CSMD1: variants seen among roughly 807,000 people sequenced by gnomAD.
The protein encoded by CSMD1 is CUB and sushi domain-containing protein 1.
In CSMD1, 213 loss-of-function variants were observed where a neutral mutation model predicts 417.5. That is an observed-to-expected ratio of 0.51 (90% CI 0.46 to 0.57). The LOEUF (loss-of-function observed/expected upper bound fraction) is 0.57, where lower values mean the gene tolerates loss of function less well. Among genes scored for constraint, CSMD1 ranks in the 20% least tolerant of loss-of-function variants. The pLI is 0.00. For synonymous variants in CSMD1, 2,862 were observed against 1,736.8 expected (o/e 1.65, Z -16.11); for missense variants, 6,923 against 4,529.7 (o/e 1.53, Z -15.17).
chr8:3,548,550 G>C (rs749592599), intron 10 of CSMD1, among the ~76,000 whole-genome samples: 3 of 151,554 alleles, frequency 2.0e-5, no homozygotes, highest in East Asian at 3.9e-4. Flanking sequence ...ACGATGTTTG[G>C]TTTTCCATTC....
intron 41 of CSMD1, among the ~76,000 whole-genome samples, chr8:3,132,313 C>G (rs1817833254): frequency 6.6e-6 from 1 of 151,600 alleles, no homozygotes; most frequent in Non-Finnish European, 1.5e-5. Context: ...GCTCTTGGCA[C>G]AGAAATTACA....
At chr8:4,730,209 AAAACAAAAC>A (rs1809752142) in intron 1 of CSMD1, among the ~76,000 whole-genome samples, 1 of 148,440 alleles carries the variant, frequency 6.7e-6, no homozygotes, top group African/African-American at 2.5e-5. Flanking sequence ...GAGACAGAAG[AAAACAAAAC>A]AAAACAAAAC....
At position 3,389,441 on chromosome 8, in the gene CSMD1, G is replaced by A. The variant is rs556300650; in HGVS notation, c.2594-1759C>T. ...CTCCTAGCATCAAGATCAAAATCAA[G>A]ACAAGAATTCCCTCAAAAGAAGAAG... On this transcript the variant is annotated intron_variant, in intron 17 of 69. Transcript: ENST00000635120. 5.9e-5 allele frequency among the ~76,000 whole-genome samples: 9 copies of A among 152,158 alleles called. No homozygotes were observed. In the South Asian group the frequency reaches 1.2e-3, roughly 21 times the overall value.
chr8:4,275,833 T>C (rs568531731), intron 3 of CSMD1, among the ~76,000 whole-genome samples: 2 of 152,236 alleles, frequency 1.3e-5, no homozygotes, highest in African/African-American at 4.8e-5. Flanking sequence ...AAAGTGATAT[T>C]GTTATATTTT....
intron 3 of CSMD1, among the ~76,000 whole-genome samples, chr8:4,354,902 G>GTGTGTT (rs1554442807): frequency 1.3e-5 from 2 of 148,746 alleles, no homozygotes; most frequent in Non-Finnish European, 3.0e-5. Context: ...GTGTGTGTGT[G>GTGTGTT]TGTGTGTTAA....
intron 11 of CSMD1, among the ~76,000 whole-genome samples, chr8:3,491,086 T>C (rs1317760163): frequency 1.3e-5 from 2 of 152,164 alleles, no homozygotes. Context: ...TATGCCAATG[T>C]CTACATACAA....
intron 1 of CSMD1, among the ~76,000 whole-genome samples, chr8:4,899,211 C>T (rs1563710411): frequency 6.6e-6 from 1 of 152,158 alleles, no homozygotes; most frequent in Non-Finnish European, 1.5e-5. Flanking sequence ...GAAGAAACAT[C>T]ATTTGAAGCA....
At position 3,290,732 on chromosome 8, in the gene CSMD1, C is replaced by T. The variant is rs1015393857; in HGVS notation, c.3951-6386G>A. ...AGCTTAAGGAGATTTTGGGCTGAGA[C>T]AATGGGGTTTTCTAGATATACAATC... On this transcript the variant is annotated intron_variant, in intron 25 of 69. Transcript: ENST00000635120. Among the ~76,000 whole-genome samples, 4 of 146,920 alleles carry T rather than the reference C, an allele frequency of 2.7e-5. 2 individuals carry two copies. Among genetic ancestry groups the T allele is most frequent in the African/African-American group, 1.1e-4 (4 of 36,792 alleles).
At chr8:3,568,703 G>A (rs770864637) in intron 10 of CSMD1, among the ~76,000 whole-genome samples, 1 of 151,794 alleles carries the variant, frequency 6.6e-6, no homozygotes, top group Non-Finnish European at 1.5e-5. Context: ...GTATATATAG[G>A]TGTGTGTGTT....
intron 7 of CSMD1, among the ~76,000 whole-genome samples, chr8:3,633,428 C>T (rs1796879246): frequency 6.6e-6 from 1 of 152,132 alleles, no homozygotes; most frequent in Non-Finnish European, 1.5e-5. Context: ...GGTTGCTACT[C>T]CCGGCAGGAT....
chr8:4,029,338 T>C (rs1797223452), intron 4 of CSMD1, among the ~76,000 whole-genome samples: 1 of 152,166 alleles, frequency 6.6e-6, no homozygotes, highest in Non-Finnish European at 1.5e-5. Flanking sequence ...ATGGGCAATT[T>C]ACAAAAGAGA....
chr8:3,858,158 G>A (rs1294334809), intron 5 of CSMD1, among the ~76,000 whole-genome samples: 1 of 152,126 alleles, frequency 6.6e-6, no homozygotes, highest in Admixed American at 6.6e-5. Flanking sequence ...AGAAATGGAG[G>A]CTTTTTGTCA....
intron 42 of CSMD1, chr8:3,112,881 G>T (rs1446995755): frequency 6.6e-6 from 1 of 152,166 alleles, no homozygotes; most frequent in Non-Finnish European, 1.5e-5. Flanking sequence ...GGGTAGTCCA[G>T]AGATAGAAAA....
intron 17 of CSMD1, among the ~76,000 whole-genome samples, chr8:3,392,364 T>A (rs763495668): frequency 2.4e-4 from 37 of 152,270 alleles, no homozygotes; most frequent in Middle Eastern, 3.4e-3. Context: ...TGAGTGAGTG[T>A]AATCATTTTC....
At chr8:4,157,303 C>G (rs1439437833) in intron 3 of CSMD1, among the ~76,000 whole-genome samples, 1 of 152,188 alleles carries the variant, frequency 6.6e-6, no homozygotes, top group Non-Finnish European at 1.5e-5. Flanking sequence ...AGAGCTGGGT[C>G]ACTGCACCAG....
intron 18 of CSMD1, 63 bp downstream of exon 18, chr8:3,387,431 G>T: frequency 7.2e-7 from 1 of 1,394,338 alleles, no homozygotes; most frequent in Non-Finnish European, 9.8e-7. Flanking sequence ...CACCCAGCTA[G>T]TTAGACGTGT....
chr8:4,795,250 A>T (rs1003855460), intron 1 of CSMD1, among the ~76,000 whole-genome samples: 3 of 80,420 alleles, frequency 3.7e-5, no homozygotes, highest in Admixed American at 1.3e-4. Context: ...CTGGTGTCAT[A>T]GCTTTTTTTT....
chr8:4,104,616 G>C (rs939327086), intron 3 of CSMD1, among the ~76,000 whole-genome samples: 1 of 152,068 alleles, frequency 6.6e-6, no homozygotes, highest in Admixed American at 6.5e-5. Context: ...GAATTAGAGT[G>C]TCTGGAATGA....
chr8:3,225,287 T>C (rs894627535), intron 27 of CSMD1, among the ~76,000 whole-genome samples: 2 of 152,224 alleles, frequency 1.3e-5, no homozygotes, highest in Admixed American at 1.3e-4. Flanking sequence ...CTGAATGCTA[T>C]TGTAGAAAAC....
Sources: gnomAD v4.1 joint callset for allele counts (sites outside exome capture counted in the v4.1 genomes callset) on GRCh38, gnomAD v4.1.1 for gene constraint, MANE v1.5 for transcripts, NCBI Gene and HGNC (gene_info 2026-07-23, HGNC 2026-07-21) for gene names.